The following ZDHHC13 variants were observed in gnomAD, a reference collection of about 807,000 sequenced individuals.
ZDHHC13 encodes palmitoyltransferase ZDHHC13.
A neutral mutation model predicts 86.0 loss-of-function variants in ZDHHC13; 85 were observed. The observed-to-expected ratio is 0.99, with a 90% confidence interval of 0.83 to 1.18. The LOEUF (loss-of-function observed/expected upper bound fraction) is 1.18, where lower values mean the gene tolerates loss of function less well. Ranked by LOEUF, ZDHHC13 falls within the 50% of genes most tolerant of loss-of-function variation. The pLI is 0.00. For synonymous variants in ZDHHC13, 263 were observed against 246.4 expected, an observed-to-expected ratio of 1.07 and a Z score of -0.63; for missense variants, 711 against 730.2, an observed-to-expected ratio of 0.97 and a Z score of 0.30.
At chr11:19,129,120 A>G (rs2133369210) in intron 1 of ZDHHC13, among the ~76,000 whole-genome samples, 1 of 152,310 alleles carries the variant, frequency 6.6e-6, no homozygotes, top group East Asian at 1.9e-4. Flanking sequence ...CATTTGAAGT[A>G]TTTTACCTTT....
At chr11:19,119,088 G>T (rs942946355) in intron 1 of ZDHHC13, among the ~76,000 whole-genome samples, 1 of 152,110 alleles carries the variant, frequency 6.6e-6, no homozygotes, top group African/African-American at 2.4e-5. Context: ...ATACAATCAG[G>T]TCTGCAGTTT....
intron 10 of ZDHHC13, among the ~76,000 whole-genome samples, chr11:19,159,977 A>G (rs938729794): frequency 6.6e-6 from 1 of 151,918 alleles, no homozygotes; most frequent in Non-Finnish European, 1.5e-5. Flanking sequence ...ATAGAAATAT[A>G]CCTTTCAGTG....
At chr11:19,142,846 G>C in intron 1 of ZDHHC13, 132 bp from the exon 2 acceptor site, 1 of 995,174 alleles carries the variant, frequency 1.0e-6, no homozygotes, top group Non-Finnish European at 1.4e-6. Context: ...GTCATTCTCA[G>C]GATACACTTC....
At chr11:19,131,121 C>G (rs1259743224) in intron 1 of ZDHHC13, among the ~76,000 whole-genome samples, 4 of 151,912 alleles carry the variant, frequency 2.6e-5, no homozygotes, top group African/African-American at 9.7e-5. Context: ...CGGCTTCACG[C>G]CATTCTCCTG....
intron 14 of ZDHHC13, 171 bp downstream of exon 14, chr11:19,166,556 C>T (rs1841162589): frequency 2.0e-6 from 1 of 504,406 alleles, no homozygotes; most frequent in African/African-American, 2.0e-5. Context: ...GCAAGAAATA[C>T]AAGATGAGGT....
chr11:19,170,021 A>G, intron 14 of ZDHHC13: 1 of 1,012,900 alleles, frequency 9.9e-7, no homozygotes, highest in Non-Finnish European at 1.2e-6. Context: ...TGAATGCTTA[A>G]TAAGAGTTTA....
In ZDHHC13 at chr11:19,122,292, A is replaced by G. The variant is rs114008554; in HGVS notation, c.27+5016A>G. Among the ~76,000 whole-genome samples the G allele has an allele frequency of 6.5e-3, 996 of 152,270 alleles. 6 individuals carry two copies. Among genetic ancestry groups the G allele is most frequent in the African/African-American group, 0.021 (893 of 41,566 alleles). ...TCTGCCTCAATTTAGCCTCTTGACA[A>G]TTTTGAATTTTTTCCAAGGGGGTAC... On this transcript the variant is annotated intron_variant, in intron 1 of 16. Transcript: ENST00000446113.
chr11:19,175,389 C>CAACAAAAAAAAAAAAA (rs1850334441), intron 16 of ZDHHC13, among the ~76,000 whole-genome samples: 1 of 56,368 alleles, frequency 1.8e-5, no homozygotes, highest in Non-Finnish European at 3.2e-5. Context: ...GACTCCGTCT[C>CAACAAAAAAAAAAAAA]AAAAAAAAAA....
chr11:19,134,713 G>C (rs1017833281), intron 1 of ZDHHC13, among the ~76,000 whole-genome samples: 1 of 152,030 alleles, frequency 6.6e-6, no homozygotes, highest in African/African-American at 2.4e-5. Context: ...GTCAGGGGGT[G>C]GGGGGCAAGG....
At position 19,176,001 on chromosome 11, in the gene ZDHHC13, T is replaced by G; in HGVS notation, c.*41T>G. Reference sequence around the variant, plus strand: ...AACTCTCAATCTGATTTGTTTTTGTTTATGTCGATGCCCTGTAGTTTGAAA... The same window carrying G: ...AACTCTCAATCTGATTTGTTTTTGTGTATGTCGATGCCCTGTAGTTTGAAA... On this transcript the variant is annotated 3_prime_UTR_variant, in exon 17 of 17. Transcript: ENST00000446113. 6.4e-7 allele frequency: 1 copy of G among 1,573,396 alleles called. No homozygotes were observed. The highest frequency in any genetic ancestry group is 8.6e-7 in the Non-Finnish European group (1 of 1,164,110).
chr11:19,133,410 T>C (rs1169144272), intron 1 of ZDHHC13, among the ~76,000 whole-genome samples: 5 of 151,730 alleles, frequency 3.3e-5, no homozygotes, highest in Non-Finnish European at 5.9e-5. Context: ...CACACACATA[T>C]ATATATATAT....
At chr11:19,169,551 G>C in intron 14 of ZDHHC13, 1 of 985,466 alleles carries the variant, frequency 1.0e-6, no homozygotes, top group South Asian at 4.7e-5. Flanking sequence ...CAAATTGTCA[G>C]AGGCATTTAT....
In ZDHHC13 at chr11:19,159,021, G is replaced by C. The variant is rs781125290; in HGVS notation, c.1089G>C (p.Trp363Cys). Residue 363 changes from tryptophan to cysteine, a missense_variant, in exon 10 of 17, where the codon TGG becomes TGC. Physicochemically the swap from Trp to Cys is radical, Grantham distance 215 (BLOSUM62 -2). Coordinates refer to ENST00000446113, the MANE Select transcript of ZDHHC13 (RefSeq NM_019028.3). Reference sequence around the variant, plus strand: ...CTGTTTTTTGGATATTTATGACTTGGTTCATCTTATTTTTTCCTGATATCC... The same window carrying C: ...CTGTTTTTTGGATATTTATGACTTGCTTCATCTTATTTTTTCCTGATATCC... ...LSSVFWIFMT[W>C]FILFFPDLAG... 3.9e-6 allele frequency: 6 copies of C among 1,547,082 alleles called. No homozygotes were observed. The highest frequency in any genetic ancestry group is 3.7e-4 in the Middle Eastern group (2 of 5,382).
At chr11:19,169,292 A>G (rs1850154856) in intron 14 of ZDHHC13, 1 of 985,294 alleles carries the variant, frequency 1.0e-6, no homozygotes, top group Admixed American at 6.2e-5. Flanking sequence ...TTGCCATCCT[A>G]ATGAGATGCT....
chr11:19,168,003 G>A (rs1472880110), intron 14 of ZDHHC13: 3 of 152,030 alleles, frequency 2.0e-5, no homozygotes, highest in African/African-American at 7.3e-5. Context: ...TTGTAGAGAT[G>A]GCATCTTCAC....
chr11:19,158,485 A>G (rs1783623448), intron 9 of ZDHHC13, among the ~76,000 whole-genome samples: 1 of 152,154 alleles, frequency 6.6e-6, no homozygotes, highest in African/African-American at 2.4e-5. Context: ...GGTTGTGTGC[A>G]TCAGTATGCT....
In ZDHHC13 at chr11:19,165,068, G is replaced by GGA; in HGVS notation, c.1314_1315insAG (p.Leu440HisfsTer25). On this transcript the variant is annotated frameshift_variant, in exon 13 of 17. Transcript: ENST00000446113. LOFTEE classifies it high-confidence loss of function. The stretch of plus-strand genomic sequence containing the variant: ...CCCACTTAGATAAGGAAGCCATTAA[G>GGA]GTCACTCCACTGCCATGTATGCAAC... The GGA allele has an allele frequency of 6.2e-7, 1 of 1,612,648 alleles. No homozygotes were observed. Among genetic ancestry groups the GGA allele is most frequent in the Non-Finnish European group, 8.5e-7 (1 of 1,179,326 alleles).
Position 19,150,792 on chromosome 11 carries a change from G to A in ZDHHC13, c.584+1G>A. ...TGTTATCAGCTCACAAAGTAATTGG[G>A]TGAGTTTAATTTAGTCCACTCAATC... On this transcript the variant is annotated splice_donor_variant, in intron 6 of 16. Transcript: ENST00000446113. LOFTEE classifies it high-confidence loss of function. 1 of 1,608,946 alleles carries A rather than the reference G, an allele frequency of 6.2e-7. No homozygotes were observed. The highest frequency in any genetic ancestry group is 8.5e-7 in the Non-Finnish European group (1 of 1,176,368).
At position 19,168,878 on chromosome 11, in the gene ZDHHC13, G is replaced by A. The variant is rs1038266880; in HGVS notation, c.1475-1533G>A. 1.3e-5 allele frequency: 13 copies of A among 985,368 alleles called. 1 individual carries two copies. In the African/African-American group the frequency reaches 1.6e-4, roughly 12 times the overall value. The allele number at this position is 985,368 out of a possible 1,614,324, so 61.0% of individuals were successfully genotyped here. ...CTCCAAAAGTGTCAGCATCCTACAA[G>A]TTACAGAAAGAAAGATTGTAGATTA... On this transcript the variant is annotated intron_variant, in intron 14 of 16. Coordinates refer to ENST00000446113, the MANE Select transcript of ZDHHC13 (RefSeq NM_019028.3).
Sources: allele counts gnomAD v4.1 joint callset (sites outside exome capture counted in the v4.1 genomes callset), GRCh38; gene constraint gnomAD v4.1.1; transcripts MANE v1.5; gene names NCBI Gene and HGNC (gene_info 2026-07-23, HGNC 2026-07-21).